Variants in DDX10 observed in about 807,000 individuals in gnomAD.
DDX10 encodes the protein probable ATP-dependent RNA helicase DDX10.
In DDX10, 74 loss-of-function variants were observed where a neutral mutation model predicts 104.3. The ratio of observed to expected loss-of-function variants is 0.71; its 90% CI spans 0.59 to 0.86. The LOEUF is 0.86. Ranked by LOEUF, DDX10 falls within the 40% of genes least tolerant of loss-of-function variation. DDX10 has a pLI of 0.00. For synonymous variants in DDX10, 351 were observed against 353.4 expected (o/e 0.99, Z 0.08); for missense variants, 952 against 1,040.0 (o/e 0.92, Z 1.16).
At position 108,838,265 on chromosome 11, in the gene DDX10, G is replaced by A. The variant is rs1374153509; in HGVS notation, c.1966-181G>A. ...TAATGCTTAAACTCTTTTAGGTTTTGGGAGGAGTTCTTAGTTAATAAGTCA... is the reference window on the plus strand; with the variant it reads ...TAATGCTTAAACTCTTTTAGGTTTTAGGAGGAGTTCTTAGTTAATAAGTCA... On this transcript the variant is annotated intron_variant, in intron 13 of 17. Coordinates refer to ENST00000322536, the MANE Select transcript of DDX10 (RefSeq NM_004398.4). The A allele has an allele frequency of 5.7e-6, 3 of 524,616 alleles. No individual in the cohort carries two copies. In the African/African-American group the frequency reaches 5.8e-5, roughly 10 times the overall value. The allele number at this position is 524,616 out of a possible 1,614,324, so 32.5% of individuals were successfully genotyped here.
rs2134519002 is a variant in DDX10 at position 108,764,250 on chromosome 11, A to G, written c.1965+40788A>G. ...TCCAGTGAATTTTGGGTTTAGCCAC[A>G]TACAGCACATGATGAAGAGTGAAAG... On this transcript the variant is annotated intron_variant, in intron 13 of 17. Transcript: ENST00000322536. Among the ~76,000 whole-genome samples, 3 of 152,350 alleles carry G rather than the reference A, an allele frequency of 2.0e-5. 1 individual carries two copies. Among genetic ancestry groups the G allele is most frequent in the Admixed American group, 2.0e-4 (3 of 15,304 alleles).
At chr11:108,681,589 T>C (rs2094235321) in intron 6 of DDX10, among the ~76,000 whole-genome samples, 1 of 152,176 alleles carries the variant, frequency 6.6e-6, no homozygotes, top group Non-Finnish European at 1.5e-5. Flanking sequence ...TACTCTCAAA[T>C]TGTGAAGGAC....
At chr11:108,912,274 T>C (rs1408591665) in intron 16 of DDX10, among the ~76,000 whole-genome samples, 1 of 152,152 alleles carries the variant, frequency 6.6e-6, no homozygotes, top group Non-Finnish European at 1.5e-5. Flanking sequence ...TCCACCCTGA[T>C]GACCATCACA....
chr11:108,771,166 A>G (rs1194095231), intron 13 of DDX10, among the ~76,000 whole-genome samples: 3 of 152,052 alleles, frequency 2.0e-5, no homozygotes, highest in Non-Finnish European at 2.9e-5. Context: ...AGAAATATCT[A>G]TTCAACTCTT....
intron 16 of DDX10, among the ~76,000 whole-genome samples, chr11:108,905,322 G>T (rs374788344): frequency 2.1e-5 from 3 of 144,926 alleles, no homozygotes; most frequent in African/African-American, 5.1e-5. Flanking sequence ...AGGGGGGGGG[G>T]GGTTGAAATC....
intron 13 of DDX10, among the ~76,000 whole-genome samples, chr11:108,823,074 C>T (rs965190745): frequency 1.3e-5 from 2 of 152,084 alleles, no homozygotes; most frequent in Non-Finnish European, 2.9e-5. Context: ...CTAGGTGATC[C>T]TGGAGGGTCC....
At chr11:108,844,741 G>A (rs1289290580) in intron 15 of DDX10, among the ~76,000 whole-genome samples, 3 of 152,032 alleles carry the variant, frequency 2.0e-5, no homozygotes, top group African/African-American at 4.8e-5. Flanking sequence ...AAATTAGGGA[G>A]TAGGAGTGGG....
intron 10 of DDX10, among the ~76,000 whole-genome samples, chr11:108,707,365 C>T (rs901593064): frequency 5.3e-5 from 8 of 152,250 alleles, no homozygotes; most frequent in South Asian, 2.1e-4. Context: ...TGGAATTATA[C>T]GGTACCTAGC....
Position 108,735,192 on chromosome 11 carries a change from G to T in DDX10, c.1965+11730G>T, listed in dbSNP as rs571853431. On this transcript the variant is annotated intron_variant, in intron 13 of 17. Transcript: ENST00000322536. ...GTTAGAATTAAATCACTTTTGCTTT[G>T]ATGCGAAGCTTTGTTCTTTACCATG... Among the ~76,000 whole-genome samples the T allele has an allele frequency of 1.8e-4, 27 of 152,262 alleles. No individual in the cohort carries two copies. In the Middle Eastern group the frequency reaches 0.01, roughly 58 times the overall value.
intron 12 of DDX10, among the ~76,000 whole-genome samples, chr11:108,720,732 A>T (rs953002192): frequency 2.0e-5 from 3 of 151,994 alleles, no homozygotes; most frequent in Non-Finnish European, 4.4e-5. Context: ...CTGGGACTAC[A>T]GGTGCATGCT....
At chr11:108,768,322 G>A (rs1216506446) in intron 13 of DDX10, among the ~76,000 whole-genome samples, 1 of 152,170 alleles carries the variant, frequency 6.6e-6, no homozygotes, top group Non-Finnish European at 1.5e-5. Flanking sequence ...GTTCCTTTGG[G>A]ATGAAAGAAT....
At chr11:108,797,773 C>T (rs1427183708) in intron 13 of DDX10, among the ~76,000 whole-genome samples, 1 of 152,202 alleles carries the variant, frequency 6.6e-6, no homozygotes, top group Non-Finnish European at 1.5e-5. Context: ...AAATGTTTCC[C>T]AGATGAGGAA....
At chr11:108,803,332 G>T (rs760915014) in intron 13 of DDX10, among the ~76,000 whole-genome samples, 3 of 150,530 alleles carry the variant, frequency 2.0e-5, no homozygotes, top group Non-Finnish European at 4.4e-5. Context: ...GGCGGCTCAC[G>T]CCTGTAATCC....
At chr11:108,799,912 C>G (rs36043878) in intron 13 of DDX10, among the ~76,000 whole-genome samples, 21,817 of 151,954 alleles carry the variant, frequency 0.14, 1,664 homozygotes, top group East Asian at 0.25. Flanking sequence ...TTGTTCATTT[C>G]CCTTTTTTTG....
chr11:108,900,455 G>A (rs895795072), intron 16 of DDX10, among the ~76,000 whole-genome samples: 1 of 152,160 alleles, frequency 6.6e-6, no homozygotes, highest in African/African-American at 2.4e-5. Context: ...AAAGTCCTCT[G>A]CTTTCCTTCT....
At chr11:108,768,201 T>C (rs1348149253) in intron 13 of DDX10, among the ~76,000 whole-genome samples, 1 of 152,162 alleles carries the variant, frequency 6.6e-6, no homozygotes, top group African/African-American at 2.4e-5. Flanking sequence ...ATGTGGATTT[T>C]TGACTGCCTG....
chr11:108,881,116 CA>C lies in DDX10; in HGVS notation c.2304+28911del, dbSNP rs371059599. Among the ~76,000 whole-genome samples the C allele has an allele frequency of 1.2e-4, 19 of 152,234 alleles. No individual in the cohort carries two copies. In the South Asian group the frequency reaches 3.5e-3, roughly 28 times the overall value. On this transcript the variant is annotated intron_variant, in intron 16 of 17. Coordinates refer to ENST00000322536, the MANE Select transcript of DDX10 (RefSeq NM_004398.4). ...TAATGCGTCACATGCATTGTGAGCACAAAATTTTACAGTATTAAAAAGGATT... is the reference window on the plus strand; with the variant it reads ...TAATGCGTCACATGCATTGTGAGCACAAATTTTACAGTATTAAAAAGGATT...
chr11:108,877,969 TGC>T (rs1863174858), intron 16 of DDX10, among the ~76,000 whole-genome samples: 2 of 152,224 alleles, frequency 1.3e-5, no homozygotes, highest in Admixed American at 1.3e-4. Context: ...TTCTTTATCT[TGC>T]TTCTGTTTGT....
chr11:108,719,883 C>T lies in DDX10; in HGVS notation c.1497C>T (p.Ala499=). The change falls in exon 12 of 18, where the codon GCC becomes GCT. Residue 499 remains alanine, a splice_region_variant and synonymous_variant. Coordinates refer to ENST00000322536, the MANE Select transcript of DDX10 (RefSeq NM_004398.4). The part of the protein sequence containing the change: ...DVSKLPIPEY[A]LSLGLAVAPR... ...GCAAGTTACCTATACCTGAATATGC[C>T]CTGTAAGTATTCATAATATAGTTGT... 4.0e-6 allele frequency: 6 copies of T among 1,512,562 alleles called. No individual in the cohort carries two copies. The highest frequency in any genetic ancestry group is 5.5e-6 in the Non-Finnish European group (6 of 1,088,310). 93.7% of individuals were successfully genotyped at this position (1,512,562 alleles called of 1,614,324 possible). A position where few individuals can be genotyped will look rare whatever the true frequency, so the allele number is the denominator to read the frequency against.
Sources: allele counts gnomAD v4.1 joint callset (sites outside exome capture counted in the v4.1 genomes callset), GRCh38; gene constraint gnomAD v4.1.1; transcripts MANE v1.5; gene names NCBI Gene and HGNC (gene_info 2026-07-23, HGNC 2026-07-21).